YBX3: variants seen among roughly 807,000 people sequenced by gnomAD.
The protein encoded by YBX3 is Y-box binding protein 3.
In YBX3, 29 loss-of-function variants were observed where a neutral mutation model predicts 42.4. The observed-to-expected ratio is 0.68, with a 90% CI of 0.51 to 0.93. The LOEUF (loss-of-function observed/expected upper bound fraction) is 0.93, where lower values mean the gene tolerates loss of function less well. YBX3 is among the 40% of genes least tolerant of loss of function. YBX3 has a pLI of 0.00. For synonymous variants in YBX3, 195 were observed against 189.8 expected (o/e 1.03, Z -0.22); for missense variants, 517 against 527.5 (o/e 0.98, Z 0.19).
chr12:10,712,934 T>C, intron 5 of YBX3: 1 of 375,650 alleles, frequency 2.7e-6, no homozygotes. Context: ...GAGTACCGTG[T>C]ATACTGCTCC....
chr12:10,714,178 A>G (rs1002794408), intron 4 of YBX3, among the ~76,000 whole-genome samples: 1 of 152,228 alleles, frequency 6.6e-6, no homozygotes, highest in African/African-American at 2.4e-5. Context: ...CGGTAAAGAT[A>G]ATCACTTAAA....
At chr12:10,717,421 A>G (rs1398736739) in intron 3 of YBX3, among the ~76,000 whole-genome samples, 1 of 152,246 alleles carries the variant, frequency 6.6e-6, no homozygotes, top group East Asian at 1.9e-4. Context: ...TATTTTATAA[A>G]GGAAGTCTAG....
At chr12:10,705,744 GTTTA>G (rs2120917862) in intron 6 of YBX3, among the ~76,000 whole-genome samples, 1 of 152,032 alleles carries the variant, frequency 6.6e-6, no homozygotes, top group South Asian at 2.1e-4. Flanking sequence ...CAATATATTG[GTTTA>G]TTTATTTATA....
At chr12:10,711,456 T>C (rs1164718528) in intron 5 of YBX3, 2 of 152,212 alleles carry the variant, frequency 1.3e-5, no homozygotes, top group African/African-American at 4.8e-5. Context: ...CATTCTACTC[T>C]TCATAAAACC....
intron 1 of YBX3, among the ~76,000 whole-genome samples, chr12:10,720,426 T>A (rs1409951442): frequency 6.6e-6 from 1 of 152,192 alleles, no homozygotes; most frequent in African/African-American, 2.4e-5. Context: ...TGATGAGGCA[T>A]TCTCCAGCTT....
At position 10,723,019 on chromosome 12, in the gene YBX3, C is replaced by G. The variant is rs1372932256; in HGVS notation, c.93G>C (p.Ala31=). The part of the protein sequence containing the change: ...EAAAAAPQDP[A]PKSPVGSGAP... ...CACCGCTGCCCACCGGGCTCTTGGGCGCGGGGTCCTGGGGAGCCGCGGCGG... is the reference window on the plus strand; with the variant it reads ...CACCGCTGCCCACCGGGCTCTTGGGGGCGGGGTCCTGGGGAGCCGCGGCGG... Residue 31 remains alanine (A), a synonymous_variant, in exon 1 of 10, where the codon GCG becomes GCC. Transcript: ENST00000228251. The G allele has an allele frequency of 4.1e-6, 5 of 1,207,514 alleles. No homozygotes were observed. The African/African-American group carries it at 6.4e-5, about 15-fold the overall frequency. The allele number at this position is 1,207,514 out of a possible 1,614,324, so 74.8% of individuals were successfully genotyped here.
At chr12:10,718,935 C>T (rs113280251) in intron 2 of YBX3, 145 bp downstream of exon 2, 8 of 656,114 alleles carry the variant, frequency 1.2e-5, no homozygotes, top group East Asian at 3.0e-5. Flanking sequence ...ATTTAACAAC[C>T]AGTAGCTTAG....
At chr12:10,715,527 G>A (rs1948250808) in intron 4 of YBX3, among the ~76,000 whole-genome samples, 167 bp downstream of exon 4, 1 of 151,552 alleles carries the variant, frequency 6.6e-6, no homozygotes. Context: ...GCCTGGGCAA[G>A]AGGGAGACCC....
chr12:10,708,491 T>C (rs1053444969), intron 6 of YBX3, among the ~76,000 whole-genome samples: 1 of 152,202 alleles, frequency 6.6e-6, no homozygotes, highest in African/African-American at 2.4e-5. Flanking sequence ...GGATGAGAGC[T>C]TTAGGAATTT....
At chr12:10,704,180 T>TCACA in intron 6 of YBX3, 32 bp from the exon 7 acceptor site, 1 of 1,586,626 alleles carries the variant, frequency 6.3e-7, no homozygotes. Context: ...ACAGTGAGTG[T>TCACA]CACAGCACAG....
intron 6 of YBX3, among the ~76,000 whole-genome samples, chr12:10,706,952 G>A (rs141235207): frequency 8.1e-4 from 123 of 152,246 alleles, no homozygotes; most frequent in African/African-American, 2.7e-3. Context: ...AGGAGATGGA[G>A]CTTGCAGTGA....
At chr12:10,715,094 T>G (rs1311931784) in intron 4 of YBX3, among the ~76,000 whole-genome samples, 1 of 152,158 alleles carries the variant, frequency 6.6e-6, no homozygotes, top group Non-Finnish European at 1.5e-5. Context: ...ATAGTTAAAT[T>G]TTAATCTGCA....
intron 3 of YBX3, chr12:10,717,872 C>T (rs186269364): frequency 1.9e-4 from 78 of 400,048 alleles, no homozygotes; most frequent in African/African-American, 1.1e-3. Context: ...TATACAACTG[C>T]AAAAATAAAA....
chr12:10,722,795 G>A lies in YBX3; in HGVS notation c.262+55C>T, dbSNP rs534771208. 13 of 1,342,590 alleles carry A rather than the reference G, an allele frequency of 9.7e-6. 1 individual carries two copies. In the South Asian group the frequency reaches 1.3e-4, roughly 13 times the overall value. 83.2% of individuals were successfully genotyped at this position (1,342,590 alleles called of 1,614,324 possible). On this transcript the variant is annotated intron_variant, in intron 1 of 9. Transcript: ENST00000228251. ...CGCGAGCTGCCCACACGTGCTCCGCGGCCGGCTGGGCCCGCCCCACTACGG... is the reference window on the plus strand; with the variant it reads ...CGCGAGCTGCCCACACGTGCTCCGCAGCCGGCTGGGCCCGCCCCACTACGG...
At chr12:10,707,746 T>G (rs2120925915) in intron 6 of YBX3, among the ~76,000 whole-genome samples, 1 of 152,246 alleles carries the variant, frequency 6.6e-6, no homozygotes, top group South Asian at 2.1e-4. Context: ...TCCCCTGAGA[T>G]CTCACCTCAT....
rs779854132 is a variant in YBX3 at position 10,710,962 on chromosome 12, A to G, written c.574-848T>C. 3.1e-5 allele frequency: 5 copies of G among 160,384 alleles called. No individual in the cohort carries two copies. In the South Asian group the frequency reaches 5.4e-4, roughly 17 times the overall value. 9.9% of individuals were successfully genotyped at this position (160,384 alleles called of 1,614,324 possible). A position where few individuals can be genotyped will look rare whatever the true frequency, so the allele number is the denominator to read the frequency against. ...ATTGACAAAAACTCTAGAATCCTCAATAACATGTAAGCATATAAACAGATC... is the reference window on the plus strand; with the variant it reads ...ATTGACAAAAACTCTAGAATCCTCAGTAACATGTAAGCATATAAACAGATC... On this transcript the variant is annotated intron_variant, in intron 5 of 9. Transcript: ENST00000228251.
chr12:10,720,897 C>G (rs931738299), intron 1 of YBX3: 1 of 152,182 alleles, frequency 6.6e-6, no homozygotes, highest in African/African-American at 2.4e-5. Flanking sequence ...TTCATTCCCA[C>G]GTCTTGCTTT....
intron 9 of YBX3, among the ~76,000 whole-genome samples, chr12:10,700,726 G>A (rs900035704): frequency 2.0e-5 from 3 of 152,100 alleles, no homozygotes; most frequent in Non-Finnish European, 4.4e-5. Context: ...CTGAGACAGA[G>A]GATAAACTGC....
At chr12:10,718,024 G>A (rs904705161) in intron 3 of YBX3, 64 bp downstream of exon 3, 3 of 1,412,582 alleles carry the variant, frequency 2.1e-6, no homozygotes, top group African/African-American at 2.9e-5. Context: ...TTTGGGAAAG[G>A]GCTGACAGAA....
Sources: gnomAD v4.1 joint callset for allele counts (sites outside exome capture counted in the v4.1 genomes callset) on GRCh38, gnomAD v4.1.1 for gene constraint, MANE v1.5 for transcripts, NCBI Gene and HGNC (gene_info 2026-07-23, HGNC 2026-07-21) for gene names.